SGTA: variants seen among roughly 807,000 people sequenced by gnomAD.
SGTA encodes the protein small glutamine rich tetratricopeptide repeat co-chaperone alpha, also known as small glutamine-rich tetratricopeptide repeat-containing protein alpha.
SGTA carries 22 observed loss-of-function variants against 44.3 expected under a neutral mutation model. The ratio of observed to expected loss-of-function variants is 0.50; its 90% CI spans 0.36 to 0.71. The LOEUF (loss-of-function observed/expected upper bound fraction) is 0.71. Ranked by LOEUF, SGTA falls within the 30% of genes least tolerant of loss-of-function variation. SGTA has a pLI of 0.00. For missense variants in SGTA, 341 were observed against 435.9 expected (o/e 0.78, Z 1.94); for synonymous variants, 174 against 177.6 (o/e 0.98, Z 0.16).
In SGTA at chr19:2,779,267, G is replaced by A. The variant is rs144782771; in HGVS notation, c.-24+3966C>T. Among the ~76,000 whole-genome samples the A allele has an allele frequency of 9.9e-5, 15 of 152,242 alleles. No individual in the cohort carries two copies. In the East Asian group the frequency reaches 2.5e-3, roughly 26 times the overall value. On this transcript the variant is annotated intron_variant, in intron 1 of 11. Coordinates refer to ENST00000221566, the MANE Select transcript of SGTA (RefSeq NM_003021.4). ...CTGGGTTTCAGAACTGCGGGTCCACGGTGGAGGACTGCTCAACTAAGGGAA... is the reference window on the plus strand; with the variant it reads ...CTGGGTTTCAGAACTGCGGGTCCACAGTGGAGGACTGCTCAACTAAGGGAA...
intron 1 of SGTA, among the ~76,000 whole-genome samples, chr19:2,772,728 T>C (rs553367987): frequency 2.0e-5 from 3 of 152,164 alleles, no homozygotes; most frequent in Non-Finnish European, 2.9e-5. Context: ...TGCAGACGCA[T>C]GCACAGGGAG....
intron 1 of SGTA, among the ~76,000 whole-genome samples, chr19:2,772,623 C>T (rs1915339014): frequency 6.6e-6 from 1 of 152,256 alleles, no homozygotes; most frequent in African/African-American, 2.4e-5. Context: ...GAAATAAGAT[C>T]TTGGCGGACA....
Position 2,761,353 on chromosome 19 carries a change from G to C in SGTA, c.699+107C>G. On this transcript the variant is annotated intron_variant, in intron 8 of 11. Transcript: ENST00000221566. This position sits in a 1 kb window ranked among gnomAD's most constrained non-coding sequence, Gnocchi z 5.7. Reference sequence around the variant, plus strand: ...AGACAAGACCCATCTGGTTCCAGAAGCCAGCAGTGCCAAGGCAAGGAAGCC... The same window carrying C: ...AGACAAGACCCATCTGGTTCCAGAACCCAGCAGTGCCAAGGCAAGGAAGCC... The C allele has an allele frequency of 9.5e-7, 1 of 1,052,902 alleles. No homozygotes were observed. The highest frequency in any genetic ancestry group is 1.4e-6 in the Non-Finnish European group (1 of 705,184). The allele number at this position is 1,052,902 out of a possible 1,614,324, so 65.2% of individuals were successfully genotyped here. A position where few individuals can be genotyped will look rare whatever the true frequency, so the allele number is the denominator to read the frequency against.
chr19:2,775,955 C>T (rs573613921), intron 1 of SGTA, among the ~76,000 whole-genome samples: 4 of 152,138 alleles, frequency 2.6e-5, no homozygotes, highest in Non-Finnish European at 5.9e-5. Flanking sequence ...AGTTTTCCGC[C>T]CCCATCTCAG....
chr19:2,768,129 A>G (rs747742376), intron 2 of SGTA, among the ~76,000 whole-genome samples: 1 of 152,096 alleles, frequency 6.6e-6, no homozygotes, highest in Non-Finnish European at 1.5e-5. Context: ...CTGGGTCTGT[A>G]CCAGGGCAGG....
Position 2,757,414 on chromosome 19 carries a change from A to G in SGTA, c.871T>C (p.Leu291=), listed in dbSNP as rs1914853325. The change falls in exon 11 of 12, where the codon TTG becomes CTG. Residue 291 remains leucine, a synonymous_variant. Transcript: ENST00000221566. ...ATCTGGCTCCTGAGCTGCTCTATCA[A>G]CTCTGGGTTCTGCTGCTGCATCTGC... ...AQQMQQQNPE[L]IEQLRSQIRS... 1.2e-6 allele frequency: 2 copies of G among 1,608,760 alleles called. No homozygotes were observed. Among genetic ancestry groups the G allele is most frequent in the Admixed American group, 1.7e-5 (1 of 59,996 alleles).
intron 1 of SGTA, among the ~76,000 whole-genome samples, chr19:2,780,546 T>C (rs895762024): frequency 1.3e-5 from 2 of 151,876 alleles, no homozygotes; most frequent in Admixed American, 6.6e-5. Context: ...ACTCAAGTGC[T>C]CACCTCCCCT....
chr19:2,777,052 C>T lies in SGTA; in HGVS notation c.-24+6181G>A, dbSNP rs145453148. ...CCGAGGCAGGCGGATCACCTGACAT[C>T]AGGAGTTCGAGACCAGCCTGACCAA... On this transcript the variant is annotated intron_variant, in intron 1 of 11. Transcript: ENST00000221566. 2.3e-4 allele frequency among the ~76,000 whole-genome samples: 34 copies of T among 150,448 alleles called. 1 individual carries two copies. The highest frequency in any genetic ancestry group is 8.0e-4 in the African/African-American group (32 of 39,906).
Position 2,761,525 on chromosome 19 carries a change from G to A in SGTA, c.637-3C>T, listed in dbSNP as rs2144722647. 1.3e-6 allele frequency: 2 copies of A among 1,551,342 alleles called. No homozygotes were observed. Among genetic ancestry groups the A allele is most frequent in the African/African-American group, 1.4e-5 (1 of 73,130 alleles). ...TCGAAGCTGCCCACGCCTCCCGTCT[G>A]AGGATGAGAACAGCCCTGGTTAGTG... is the stretch of plus-strand genomic sequence containing the variant. On this transcript the variant is annotated splice_polypyrimidine_tract_variant and splice_region_variant and intron_variant, in intron 7 of 11. Transcript: ENST00000221566. The surrounding 1 kb of genome is among the most constrained non-coding windows in gnomAD (Gnocchi z 5.7).
Position 2,767,230 on chromosome 19 carries a change from G to T in SGTA, c.208-10C>A. Reference sequence around the variant, plus strand: ...GGTCCTGCGGCATCTCCTGGACCCGGAGGCAAAGGCGGCCCGCTGTCCTCT... The same window carrying T: ...GGTCCTGCGGCATCTCCTGGACCCGTAGGCAAAGGCGGCCCGCTGTCCTCT... On this transcript the variant is annotated splice_polypyrimidine_tract_variant and intron_variant, in intron 3 of 11. Transcript: ENST00000221566. This position sits in a 1 kb window ranked among gnomAD's most constrained non-coding sequence, Gnocchi z 7.3. The T allele has an allele frequency of 6.2e-7, 1 of 1,603,046 alleles. No individual in the cohort carries two copies.
chr19:2,779,543 G>A (rs1915522927), intron 1 of SGTA, among the ~76,000 whole-genome samples: 1 of 152,224 alleles, frequency 6.6e-6, no homozygotes, highest in Admixed American at 6.5e-5. Flanking sequence ...CTGTGGGACA[G>A]CATCTCAAAG....
rs150868769 is a variant in SGTA, at chr19:2,761,639, G to A, written c.637-117C>T. 6.3e-4 allele frequency: 529 copies of A among 838,292 alleles called. 1 individual carries two copies. The highest frequency in any genetic ancestry group is 1.8e-3 in the Middle Eastern group (8 of 4,494). 51.9% of individuals were successfully genotyped at this position (838,292 alleles called of 1,614,324 possible). A position where few individuals can be genotyped will look rare whatever the true frequency, so the allele number is the denominator to read the frequency against. Reference sequence around the variant, plus strand: ...GGCTCAGACATTCTATCAACCCTGCGGCCAGAGGGTGCTTTGAGGCAGGCA... The same window carrying A: ...GGCTCAGACATTCTATCAACCCTGCAGCCAGAGGGTGCTTTGAGGCAGGCA... On this transcript the variant is annotated intron_variant, in intron 7 of 11. Transcript: ENST00000221566. The surrounding 1 kb of genome is among the most constrained non-coding windows in gnomAD (Gnocchi z 5.7).
chr19:2,757,911 T>C, intron 9 of SGTA, 129 bp from the exon 10 acceptor site: 1 of 601,180 alleles, frequency 1.7e-6, no homozygotes, highest in Non-Finnish European at 2.7e-6. Flanking sequence ...GGATTCTCTC[T>C]CACCACCTGG....
Position 2,765,294 on chromosome 19 carries a change from A to C in SGTA, c.293-9T>G. On this transcript the variant is annotated splice_polypyrimidine_tract_variant and intron_variant, in intron 4 of 11. Transcript: ENST00000221566. This position sits in a 1 kb window ranked among gnomAD's most constrained non-coding sequence, Gnocchi z 5.5. Reference sequence around the variant, plus strand: ...TTTCATCTGCTCGTTTCCTACAGGGAGAGAGGAAAACACCGGCCCGGTGTC... The same window carrying C: ...TTTCATCTGCTCGTTTCCTACAGGGCGAGAGGAAAACACCGGCCCGGTGTC... 1 of 1,606,534 alleles carries C rather than the reference A, an allele frequency of 6.2e-7. No individual in the cohort carries two copies. Among genetic ancestry groups the C allele is most frequent in the South Asian group, 1.1e-5 (1 of 90,724 alleles).
chr19:2,776,594 CT>C (rs992494662), intron 1 of SGTA, among the ~76,000 whole-genome samples: 2 of 152,118 alleles, frequency 1.3e-5, no homozygotes, highest in African/African-American at 2.4e-5. Flanking sequence ...TGAGAAACTT[CT>C]GGAGATGATG....
intron 7 of SGTA, 46 bp downstream of exon 7, chr19:2,762,456 CCACA>C (rs150126806): frequency 0.017 from 27,016 of 1,604,236 alleles, 281 homozygotes; most frequent in Non-Finnish European, 0.019. Context: ...TGTCCCCCAC[CCACA>C]CAGTCAGCTC....
rs901472114 is a variant in SGTA, at chr19:2,765,295, G to C, written c.293-10C>G. On this transcript the variant is annotated splice_polypyrimidine_tract_variant and intron_variant, in intron 4 of 11. Transcript: ENST00000221566. The surrounding 1 kb of genome is among the most constrained non-coding windows in gnomAD (Gnocchi z 5.5). ...TTCATCTGCTCGTTTCCTACAGGGA[G>C]AGAGGAAAACACCGGCCCGGTGTCC... The C allele has an allele frequency of 8.7e-6, 14 of 1,605,586 alleles. No individual in the cohort carries two copies. Among genetic ancestry groups the C allele is most frequent in the Non-Finnish European group, 3.4e-6 (4 of 1,172,880 alleles).
chr19:2,771,420 G>C (rs1226602044), intron 1 of SGTA, among the ~76,000 whole-genome samples: 1 of 150,860 alleles, frequency 6.6e-6, no homozygotes, highest in Non-Finnish European at 1.5e-5. Flanking sequence ...GAGACTCCAT[G>C]TCAAAAAAAA....
At chr19:2,779,815 G>T (rs1257708694) in intron 1 of SGTA, among the ~76,000 whole-genome samples, 4 of 152,180 alleles carry the variant, frequency 2.6e-5, no homozygotes, top group Non-Finnish European at 4.4e-5. Flanking sequence ...GCTCACACCT[G>T]TAATCCCAGC....
Sources: allele counts gnomAD v4.1 joint callset (sites outside exome capture counted in the v4.1 genomes callset), GRCh38; gene constraint gnomAD v4.1.1; non-coding constraint Gnocchi (gnomAD v3.1); transcripts MANE v1.5; gene names NCBI Gene and HGNC (gene_info 2026-07-23, HGNC 2026-07-21).